The following NIBAN2 variants were observed in gnomAD, a reference collection of about 807,000 sequenced individuals.
NIBAN2 encodes the protein niban apoptosis regulator 2.
NIBAN2 carries 36 observed loss-of-function variants against 81.8 expected under a neutral mutation model. The ratio of observed to expected loss-of-function variants is 0.44; its 90% CI spans 0.34 to 0.58. NIBAN2 has a LOEUF of 0.58. Ranked by LOEUF, NIBAN2 falls within the 20% of genes least tolerant of loss-of-function variation. NIBAN2 has a pLI of 0.02. For missense variants in NIBAN2, 897 were observed against 1,014.1 expected, an observed-to-expected ratio of 0.88 and a Z score of 1.57; for synonymous variants, 445 against 441.6, an observed-to-expected ratio of 1.01 and a Z score of -0.10.
upstream of NIBAN2, chr9:127,569,201 G>A: frequency 2.3e-6 from 1 of 434,684 alleles, no homozygotes; most frequent in Non-Finnish European, 2.7e-6. Flanking sequence ...ACCCCGCCCC[G>A]CCCCGCCCCG....
intron 8 of NIBAN2, among the ~76,000 whole-genome samples, chr9:127,513,184 C>A (rs1199579047): frequency 6.6e-6 from 1 of 151,904 alleles, no homozygotes; most frequent in East Asian, 1.9e-4. Context: ...TTGGAGGGGG[C>A]CTCCCCTGTG....
At chr9:127,549,395 A>G (rs1837533641) in intron 1 of NIBAN2, among the ~76,000 whole-genome samples, 1 of 151,200 alleles carries the variant, frequency 6.6e-6, no homozygotes. Context: ...ATGCACGCAC[A>G]CACACTCACA....
At chr9:127,568,714 A>G (rs2132243285) in intron 1 of NIBAN2, 106 bp downstream of exon 1, 1 of 1,009,678 alleles carries the variant, frequency 9.9e-7, no homozygotes, top group Non-Finnish European at 1.2e-6. Flanking sequence ...GCCCGGCCTG[A>G]CTCCCCCGAG....
intron 3 of NIBAN2, among the ~76,000 whole-genome samples, chr9:127,526,828 T>G (rs1588163266): frequency 6.6e-6 from 1 of 150,794 alleles, no homozygotes; most frequent in African/African-American, 2.4e-5. Flanking sequence ...CTGTCGAGGG[T>G]GGGAGGGGTC....
intron 1 of NIBAN2, 21 bp from the exon 2 acceptor site, chr9:127,531,799 G>A: frequency 3.7e-6 from 6 of 1,613,880 alleles, no homozygotes; most frequent in Non-Finnish European, 5.1e-6. Flanking sequence ...AGGACAAGCA[G>A]GAGCTTGAGG....
chr9:127,545,244 C>A lies in NIBAN2; in HGVS notation c.56-13466G>T, dbSNP rs545000346. 1.3e-5 allele frequency among the ~76,000 whole-genome samples: 2 copies of A among 152,158 alleles called. No individual in the cohort carries two copies. Among genetic ancestry groups the A allele is most frequent in the African/African-American group, 4.8e-5 (2 of 41,446 alleles). ...GTGCCACCTCCTCGGAACCCTCCCT[C>A]CAGACAAGTCCCGGCCTCCCAGGTC... On this transcript the variant is annotated intron_variant, in intron 1 of 13. Coordinates refer to ENST00000373312, the MANE Select transcript of NIBAN2 (RefSeq NM_022833.4). The surrounding 1 kb of genome is among the most constrained non-coding windows in gnomAD (Gnocchi z 4.7).
At chr9:127,567,365 G>A (rs1023667575) in intron 1 of NIBAN2, among the ~76,000 whole-genome samples, 1 of 152,206 alleles carries the variant, frequency 6.6e-6, no homozygotes. Context: ...CACAGTCCAG[G>A]CCTGGTCGGA....
In NIBAN2 at chr9:127,506,882, G is replaced by A; in HGVS notation, c.2204C>T (p.Thr735Ile). 1 of 1,612,736 alleles carries A rather than the reference G, an allele frequency of 6.2e-7. No homozygotes were observed. Among genetic ancestry groups the A allele is most frequent in the East Asian group, 2.2e-5 (1 of 44,876 alleles). The change falls in exon 14 of 14, where the codon ACC (threonine) becomes ATC (isoleucine). Residue 735 changes from threonine to isoleucine, a missense_variant. Physicochemically the swap from Thr to Ile is moderately conservative, Grantham distance 89 (BLOSUM62 -1). Around this residue, in one of 3 missense-constraint regions of NIBAN2, gnomAD observed 619 missense variants for 691.0 expected, o/e 0.90. Transcript: ENST00000373312. ...CTGCACCCCTGCACTGTCCTCGGTGGTGGTGTGGAGGGCGGGGTGGCTGCT... is the reference window on the plus strand; with the variant it reads ...CTGCACCCCTGCACTGTCCTCGGTGATGGTGTGGAGGGCGGGGTGGCTGCT... Reference protein sequence around the residue: ...SPSSHPALHTTTEDSAGVQTE... With the variant: ...SPSSHPALHTITEDSAGVQTE...
intron 8 of NIBAN2, among the ~76,000 whole-genome samples, chr9:127,515,429 G>T (rs1344994518): frequency 1.3e-5 from 2 of 151,070 alleles, no homozygotes; most frequent in African/African-American, 4.9e-5. Context: ...GCTGAGGCAG[G>T]AGAATGGTGT....
chr9:127,560,682 C>T (rs185923523), intron 1 of NIBAN2, among the ~76,000 whole-genome samples: 4 of 152,294 alleles, frequency 2.6e-5, no homozygotes, highest in East Asian at 3.9e-4. Flanking sequence ...TGTGTAGCTG[C>T]GTGTCCCTGG....
intron 1 of NIBAN2, among the ~76,000 whole-genome samples, chr9:127,557,642 A>G (rs760890912): frequency 3.9e-5 from 6 of 152,192 alleles, no homozygotes. Flanking sequence ...AGGAAAGCTG[A>G]GCTGGGCAGC....
chr9:127,508,018 A>C lies in NIBAN2; in HGVS notation c.1543-40T>G. 1 of 1,612,288 alleles carries C rather than the reference A, an allele frequency of 6.2e-7. No individual in the cohort carries two copies. Among genetic ancestry groups the C allele is most frequent in the Non-Finnish European group, 8.5e-7 (1 of 1,178,476 alleles). ...CGGCAGAGATGAGAGGTCAGGGCCA[A>C]GGGTAGAGGGAGGCCTGTGGGCTCC... On this transcript the variant is annotated intron_variant, in intron 12 of 13. Transcript: ENST00000373312. This position sits in a 1 kb window ranked among gnomAD's most constrained non-coding sequence, Gnocchi z 6.4.
chr9:127,547,803 C>T (rs1017464580), intron 1 of NIBAN2, among the ~76,000 whole-genome samples: 3 of 152,144 alleles, frequency 2.0e-5, no homozygotes, highest in African/African-American at 7.2e-5. Context: ...CACCATTGCA[C>T]TCCAGCCTGG....
Position 127,509,056 on chromosome 9 carries a change from G to C in NIBAN2, c.1237C>G (p.Arg413Gly). The C allele has an allele frequency of 6.2e-7, 1 of 1,613,714 alleles. No individual in the cohort carries two copies. The highest frequency in any genetic ancestry group is 8.5e-7 in the Non-Finnish European group (1 of 1,179,918). The part of the protein sequence containing the change: ...QSCYEKMESL[R>G]LDGLQQRFDV... ...AATCGCTGCTGCAGCCCGTCCAGTCGCAGCGACTCCATCTTCTCATAGCAG... is the reference window on the plus strand; with the variant it reads ...AATCGCTGCTGCAGCCCGTCCAGTCCCAGCGACTCCATCTTCTCATAGCAG... The change falls in exon 10 of 14, where the codon CGA (arginine) becomes GGA (glycine). Residue 413 changes from arginine (R) to glycine (G), a missense_variant. This residue lies in a region of NIBAN2 where 619 missense variants were observed against 691.0 expected (regional missense o/e 0.90). Coordinates refer to ENST00000373312, the MANE Select transcript of NIBAN2 (RefSeq NM_022833.4).
Position 127,506,211 on chromosome 9 carries a change from C to A in NIBAN2, c.*634G>T, listed in dbSNP as rs1341441627. 1 of 152,698 alleles carries A rather than the reference C, an allele frequency of 6.5e-6. No individual in the cohort carries two copies. Among genetic ancestry groups the A allele is most frequent in the African/African-American group, 2.4e-5 (1 of 41,442 alleles). The allele number at this position is 152,698 out of a possible 1,614,324, so 9.5% of individuals were successfully genotyped here. On this transcript the variant is annotated 3_prime_UTR_variant, in exon 14 of 14. Transcript: ENST00000373312. ...CTCAGGACACTTCCCCTCCGCAGAC[C>A]TGCACGTTCTGGGCCTTTCTCATTT...
chr9:127,533,055 G>A (rs1837213637), intron 1 of NIBAN2, among the ~76,000 whole-genome samples: 2 of 151,902 alleles, frequency 1.3e-5, no homozygotes, highest in Non-Finnish European at 2.9e-5. Flanking sequence ...CTACTCAGGA[G>A]GCTGAGACAG....
At chr9:127,513,175 T>G (rs1478637472) in intron 8 of NIBAN2, among the ~76,000 whole-genome samples, 3 of 152,128 alleles carry the variant, frequency 2.0e-5, no homozygotes, top group African/African-American at 7.2e-5. Flanking sequence ...ATTGACATTT[T>G]GGAGGGGGCC....
At position 127,557,533 on chromosome 9, in the gene NIBAN2, G is replaced by A. The variant is rs1487048916; in HGVS notation, c.55+11287C>T. ...ACAGGAAGTCTGCCAGGCTCCACCC[G>A]GGGGCCTCCAGGCAGGGCAAGCTGC... is the stretch of plus-strand genomic sequence containing the variant. On this transcript the variant is annotated intron_variant, in intron 1 of 13. Transcript: ENST00000373312. Among the ~76,000 whole-genome samples, 4 of 152,186 alleles carry A rather than the reference G, an allele frequency of 2.6e-5. 1 individual carries two copies. The highest frequency in any genetic ancestry group is 4.8e-5 in the African/African-American group (2 of 41,454).
In NIBAN2 at chr9:127,508,626, G is replaced by T; in HGVS notation, c.1318-88C>A. ...GCTGAGGGGTCCTCATCCTCAACCA[G>T]CCCCCCACCCCGAGGCCTGCCAGGG... On this transcript the variant is annotated intron_variant, in intron 10 of 13. Transcript: ENST00000373312. This position sits in a 1 kb window ranked among gnomAD's most constrained non-coding sequence, Gnocchi z 6.4. 1 of 1,113,270 alleles carries T rather than the reference G, an allele frequency of 9.0e-7. No homozygotes were observed. The highest frequency in any genetic ancestry group is 1.4e-6 in the Non-Finnish European group (1 of 736,072). 69.0% of individuals were successfully genotyped at this position (1,113,270 alleles called of 1,614,324 possible).
Sources: allele counts gnomAD v4.1 joint callset (sites outside exome capture counted in the v4.1 genomes callset), GRCh38; gene constraint gnomAD v4.1.1; regional missense constraint gnomAD v4.1.1; non-coding constraint Gnocchi (gnomAD v3.1); transcripts MANE v1.5; gene names NCBI Gene and HGNC (gene_info 2026-07-23, HGNC 2026-07-21).